The following CSMD1 variants were observed in gnomAD, a reference collection of about 807,000 sequenced individuals.
The protein encoded by CSMD1 is CUB and sushi domain-containing protein 1.
CSMD1 carries 213 observed loss-of-function variants against 417.5 expected under a neutral mutation model. The ratio of observed to expected loss-of-function variants is 0.51; its 90% CI spans 0.46 to 0.57. CSMD1 has a LOEUF of 0.57. Among genes scored for constraint, CSMD1 ranks in the 20% least tolerant of loss-of-function variants. The pLI is 0.00. For synonymous variants in CSMD1, 2,862 were observed against 1,736.8 expected (o/e 1.65, Z -16.11); for missense variants, 6,923 against 4,529.7 (o/e 1.53, Z -15.17).
chr8:3,753,442 C>T (rs928236722), intron 6 of CSMD1, among the ~76,000 whole-genome samples: 4 of 152,180 alleles, frequency 2.6e-5, no homozygotes, highest in African/African-American at 9.7e-5. Flanking sequence ...TTTTGCTCAG[C>T]TGCAGGAAAT....
chr8:4,730,602 G>C (rs987366876), intron 1 of CSMD1, among the ~76,000 whole-genome samples: 1 of 152,116 alleles, frequency 6.6e-6, no homozygotes, highest in South Asian at 2.1e-4. Context: ...TTAGCCGGGC[G>C]TGGTGGCGGG....
chr8:4,572,650 T>C (rs1798944437), intron 2 of CSMD1, among the ~76,000 whole-genome samples: 1 of 152,174 alleles, frequency 6.6e-6, no homozygotes, highest in African/African-American at 2.4e-5. Flanking sequence ...TTTCCTGAAT[T>C]TGAATGTTGG....
intron 25 of CSMD1, among the ~76,000 whole-genome samples, chr8:3,291,335 C>A (rs776725422): frequency 2.0e-4 from 27 of 134,694 alleles, no homozygotes; most frequent in African/African-American, 6.8e-4. Flanking sequence ...TGATGCTGGC[C>A]CCATAAAATA....
At chr8:4,405,919 C>T (rs545160404) in intron 3 of CSMD1, among the ~76,000 whole-genome samples, 1 of 152,326 alleles carries the variant, frequency 6.6e-6, no homozygotes, top group African/African-American at 2.4e-5. Context: ...CAAGGAGCAT[C>T]TCGTTTCCTT....
At chr8:3,385,290 T>C (rs1306385167) in intron 18 of CSMD1, among the ~76,000 whole-genome samples, 1 of 150,132 alleles carries the variant, frequency 6.7e-6, no homozygotes, top group African/African-American at 2.4e-5. Context: ...TATGTATGTA[T>C]ATAGGCCTTT....
intron 3 of CSMD1, among the ~76,000 whole-genome samples, chr8:4,158,141 G>C (rs1290075401): frequency 1.3e-5 from 2 of 149,384 alleles, no homozygotes; most frequent in Non-Finnish European, 3.0e-5. Context: ...CCTGAGGTCA[G>C]ACCATTCTCC....
At chr8:4,555,899 T>G (rs1798068371) in intron 2 of CSMD1, among the ~76,000 whole-genome samples, 1 of 152,152 alleles carries the variant, frequency 6.6e-6, no homozygotes, top group Non-Finnish European at 1.5e-5. Context: ...GTCAAGTGTA[T>G]CTTTACTGTG....
chr8:4,348,357 A>C (rs767818306), intron 3 of CSMD1, among the ~76,000 whole-genome samples: 2 of 152,044 alleles, frequency 1.3e-5, no homozygotes, highest in Non-Finnish European at 2.9e-5. Flanking sequence ...GAATCCACCC[A>C]AGTGTACTAC....
intron 50 of CSMD1, among the ~76,000 whole-genome samples, chr8:3,030,025 T>C (rs1810235913): frequency 6.6e-6 from 1 of 152,026 alleles, no homozygotes; most frequent in Non-Finnish European, 1.5e-5. Flanking sequence ...CAGAAATACA[T>C]AGGCATACTG....
chr8:3,833,514 C>T (rs1050495768), intron 5 of CSMD1, among the ~76,000 whole-genome samples: 1 of 152,028 alleles, frequency 6.6e-6, no homozygotes, highest in South Asian at 2.1e-4. Flanking sequence ...CATTCATATT[C>T]AGAATTTTTT....
At chr8:3,951,538 GATCT>G (rs747641763) in intron 5 of CSMD1, among the ~76,000 whole-genome samples, 10 of 151,888 alleles carry the variant, frequency 6.6e-5, no homozygotes, top group Admixed American at 1.3e-4. Context: ...TAAATATGAT[GATCT>G]ATCTAAGTAA....
intron 69 of CSMD1, 28 bp from the exon 70 acceptor site, chr8:2,938,772 G>C (rs1201092271): frequency 1.9e-6 from 3 of 1,574,392 alleles, no homozygotes; most frequent in Non-Finnish European, 2.6e-6. Flanking sequence ...CAAATCATTA[G>C]AATCCTGGTT....
intron 3 of CSMD1, among the ~76,000 whole-genome samples, chr8:4,402,534 A>C (rs1444267381): frequency 6.6e-6 from 1 of 152,158 alleles, no homozygotes; most frequent in Non-Finnish European, 1.5e-5. Flanking sequence ...ATTATGCTCA[A>C]TTCTCACAGC....
chr8:3,618,298 C>T (rs1177474818), intron 7 of CSMD1, among the ~76,000 whole-genome samples: 1 of 152,098 alleles, frequency 6.6e-6, no homozygotes, highest in Non-Finnish European at 1.5e-5. Context: ...TGCAACCACA[C>T]CCAGTCAAAA....
intron 12 of CSMD1, among the ~76,000 whole-genome samples, chr8:3,455,550 G>A (rs757135167): frequency 6.6e-6 from 1 of 152,224 alleles, no homozygotes; most frequent in Non-Finnish European, 1.5e-5. Flanking sequence ...CTCAGCTGCA[G>A]GTCTGTTGGA....
At chr8:4,328,600 T>G in intron 3 of CSMD1, among the ~76,000 whole-genome samples, 1 of 151,886 alleles carries the variant, frequency 6.6e-6, no homozygotes, top group Middle Eastern at 3.4e-3. Flanking sequence ...AAAAATGAAG[T>G]CATTTTGTTT....
intron 3 of CSMD1, among the ~76,000 whole-genome samples, chr8:4,183,809 G>C (rs1439300893): frequency 6.6e-6 from 1 of 152,138 alleles, no homozygotes; most frequent in East Asian, 1.9e-4. Flanking sequence ...ATTTCTGTAA[G>C]TACTTATTAA....
chr8:4,319,269 C>G (rs924224198), intron 3 of CSMD1, among the ~76,000 whole-genome samples: 2 of 152,100 alleles, frequency 1.3e-5, no homozygotes, highest in African/African-American at 4.8e-5. Flanking sequence ...TTCAATTTAT[C>G]TTAGTAATGT....
At position 3,493,703 on chromosome 8, in the gene CSMD1, C is replaced by G. The variant is rs751859052; in HGVS notation, c.1368G>C (p.Glu456Asp). ...PDKVIKLAFE[E>D]FELERGYDTL... ...TGTCATAGCCTCGCTCCAGCTCAAACTCTTCAAAGGCAAGCTTGATGACCT... is the reference window on the plus strand; with the variant it reads ...TGTCATAGCCTCGCTCCAGCTCAAAGTCTTCAAAGGCAAGCTTGATGACCT... Residue 456 changes from glutamate to aspartate, a missense_variant, in exon 11 of 70, where the codon GAG becomes GAC. By Grantham distance (45) the Glu-to-Asp change is conservative (BLOSUM62 2). Transcript: ENST00000635120. The G allele has an allele frequency of 1.2e-5, 19 of 1,611,408 alleles. No individual in the cohort carries two copies. The highest frequency in any genetic ancestry group is 2.2e-5 in the South Asian group (2 of 90,096).
Sources: allele counts gnomAD v4.1 joint callset (sites outside exome capture counted in the v4.1 genomes callset), GRCh38; gene constraint gnomAD v4.1.1; transcripts MANE v1.5; gene names NCBI Gene and HGNC (gene_info 2026-07-23, HGNC 2026-07-21).